EML6: variants seen among roughly 807,000 people sequenced by gnomAD.
EML6 encodes the protein EMAP like 6, also known as echinoderm microtubule-associated protein-like 6.
In EML6, 154 loss-of-function variants were observed where a neutral mutation model predicts 240.1. The observed-to-expected ratio is 0.64, with a 90% confidence interval of 0.56 to 0.73. EML6 has a LOEUF of 0.73. EML6 is among the 30% of genes least tolerant of loss of function. The pLI is 0.00. For missense variants in EML6, 2,964 were observed against 2,474.6 expected (o/e 1.20, Z -4.20); for synonymous variants, 1,148 against 899.0 (o/e 1.28, Z -4.95).
At chr2:54,910,395 C>T (rs1218129804) in intron 24 of EML6, among the ~76,000 whole-genome samples, 1 of 152,170 alleles carries the variant, frequency 6.6e-6, no homozygotes, top group Non-Finnish European at 1.5e-5. Flanking sequence ...CAACATTTTC[C>T]TTGGGGAAAG....
chr2:54,827,018 C>T (rs537270021), intron 5 of EML6, among the ~76,000 whole-genome samples: 1 of 152,064 alleles, frequency 6.6e-6, no homozygotes, highest in African/African-American at 2.4e-5. Flanking sequence ...ACTACAAATA[C>T]AAAAATTAGC....
chr2:54,841,012 A>G lies in EML6; in HGVS notation c.848-3035A>G, dbSNP rs62136940. ...CTCCCAAGCCCCTGCAGGAGCTGAG[A>G]AAAACACCAGGGAGAAAACGGGAAT... On this transcript the variant is annotated intron_variant, in intron 7 of 41. Coordinates refer to ENST00000356458, the MANE Select transcript of EML6 (RefSeq NM_001039753.4). Among the ~76,000 whole-genome samples the G allele has an allele frequency of 5.3e-5, 8 of 152,350 alleles. No homozygotes were observed. The East Asian group carries it at 1.5e-3, about 29-fold the overall frequency.
chr2:54,865,593 G>A (rs1670929750), intron 13 of EML6, among the ~76,000 whole-genome samples: 1 of 152,212 alleles, frequency 6.6e-6, no homozygotes, highest in South Asian at 2.1e-4. Flanking sequence ...CTGGTTTGAT[G>A]CTCAAAGGAA....
Position 54,960,253 on chromosome 2 carries a change from C to T in EML6, c.4887C>T (p.Asp1629=). 1.9e-6 allele frequency: 3 copies of T among 1,551,514 alleles called. No homozygotes were observed. The highest frequency in any genetic ancestry group is 2.6e-6 in the Non-Finnish European group (3 of 1,146,906). The stretch of plus-strand genomic sequence containing the variant: ...AAGGAGGTGCTGTAAAATTGTGGGA[C>T]CAGGAGATGAAGCGCTGCCGGGCCT... ...TKEGGAVKLW[D]QEMKRCRAFQ... Residue 1629 remains aspartate, a synonymous_variant, in exon 35 of 42, where the codon GAC becomes GAT. Coordinates refer to ENST00000356458, the MANE Select transcript of EML6 (RefSeq NM_001039753.4).
chr2:54,734,185 A>G (rs901254379), intron 2 of EML6, among the ~76,000 whole-genome samples: 2 of 152,136 alleles, frequency 1.3e-5, no homozygotes, highest in Non-Finnish European at 2.9e-5. Flanking sequence ...CTAAAATACA[A>G]AAATTAGCCG....
intron 2 of EML6, among the ~76,000 whole-genome samples, chr2:54,803,444 A>G (rs959950827): frequency 9.9e-5 from 15 of 152,086 alleles, no homozygotes; most frequent in Non-Finnish European, 1.5e-4. Flanking sequence ...TTTGCCTCAT[A>G]CCTTCGTCAA....
At chr2:54,950,127 C>G (rs1675899641) in intron 29 of EML6, among the ~76,000 whole-genome samples, 1 of 148,306 alleles carries the variant, frequency 6.7e-6, no homozygotes. Flanking sequence ...GACTATAAAC[C>G]TCAACAGTAT....
At chr2:54,746,618 A>T (rs1041620370) in intron 2 of EML6, among the ~76,000 whole-genome samples, 5 of 152,148 alleles carry the variant, frequency 3.3e-5, no homozygotes, top group African/African-American at 1.2e-4. Flanking sequence ...AATTTTACAG[A>T]ATTCAGGACT....
At chr2:54,877,755 C>A (rs998545376) in intron 16 of EML6, among the ~76,000 whole-genome samples, 1 of 152,206 alleles carries the variant, frequency 6.6e-6, no homozygotes, top group Admixed American at 6.5e-5. Flanking sequence ...AAAGTGTTAA[C>A]GTCTTCATCT....
At chr2:54,783,295 T>C (rs1328541565) in intron 2 of EML6, among the ~76,000 whole-genome samples, 1 of 152,254 alleles carries the variant, frequency 6.6e-6, no homozygotes, top group Non-Finnish European at 1.5e-5. Context: ...GATATAACTA[T>C]GTAATGAAAC....
At chr2:54,944,026 T>A (rs1461924903) in intron 28 of EML6, among the ~76,000 whole-genome samples, 2 of 152,160 alleles carry the variant, frequency 1.3e-5, no homozygotes. Context: ...TCTCAGTGTC[T>A]CACCTCTGCT....
chr2:54,871,558 T>C lies in EML6; in HGVS notation c.2297T>C (p.Leu766Pro). 1 of 1,551,794 alleles carries C rather than the reference T, an allele frequency of 6.4e-7. No individual in the cohort carries two copies. Among genetic ancestry groups the C allele is most frequent in the Non-Finnish European group, 8.7e-7 (1 of 1,146,974 alleles). The change falls in exon 16 of 42, where the codon CTG (leucine) becomes CCG (proline). Residue 766 changes from leucine to proline, a missense_variant. By Grantham distance (98) the Leu-to-Pro change is moderately conservative (BLOSUM62 -3). Coordinates refer to ENST00000356458, the MANE Select transcript of EML6 (RefSeq NM_001039753.4). ...WDTQTLKCLS[L>P]LKGQHQRGVC... ...ACACAAACTCTAAAATGTTTGTCGC[T>C]GTTGAAAGGACAACATCAGAGAGGA... is the stretch of plus-strand genomic sequence containing the variant.
chr2:54,951,631 T>C (rs1207838715), intron 30 of EML6, among the ~76,000 whole-genome samples: 3 of 151,760 alleles, frequency 2.0e-5, no homozygotes, highest in Non-Finnish European at 4.4e-5. Flanking sequence ...ATTCAGAAAT[T>C]AACAGAAAAC....
rs1425946581 is a variant in EML6, at chr2:54,820,836, T to C, written c.525+374T>C. 2.0e-5 allele frequency among the ~76,000 whole-genome samples: 3 copies of C among 152,340 alleles called. No homozygotes were observed. The East Asian group carries it at 5.8e-4, about 29-fold the overall frequency. On this transcript the variant is annotated intron_variant, in intron 5 of 41. Transcript: ENST00000356458. ...TTTACATATTTGCATGTCAACACTTTGACATGTTATGTTCCCTTAAAAGAA... is the reference window on the plus strand; with the variant it reads ...TTTACATATTTGCATGTCAACACTTCGACATGTTATGTTCCCTTAAAAGAA...
intron 2 of EML6, among the ~76,000 whole-genome samples, chr2:54,761,882 T>G (rs1667997961): frequency 6.6e-6 from 1 of 152,066 alleles, no homozygotes; most frequent in South Asian, 2.1e-4. Flanking sequence ...CACTTGAAAG[T>G]AGGTTGAATG....
intron 12 of EML6, among the ~76,000 whole-genome samples, chr2:54,862,315 G>T (rs1292893309): frequency 7.3e-6 from 1 of 136,594 alleles, no homozygotes; most frequent in Admixed American, 7.6e-5. Flanking sequence ...TCCAGCCTGG[G>T]TGACATAACA....
chr2:54,913,411 C>G (rs989817244), intron 25 of EML6, among the ~76,000 whole-genome samples: 4 of 152,034 alleles, frequency 2.6e-5, no homozygotes, highest in Non-Finnish European at 4.4e-5. Flanking sequence ...CCATGCCCAG[C>G]TAATTCTTGT....
At position 54,950,707 on chromosome 2, in the gene EML6, C is replaced by T. The variant is rs897341230; in HGVS notation, c.4141C>T (p.His1381Tyr). ...AGGTTTCGACTGTCGAAATAACCTG[C>T]ATTACCTTAATGATGGCGCTGACAT... is the stretch of plus-strand genomic sequence containing the variant. The part of the protein sequence containing the change: ...YRGFDCRNNL[H>Y]YLNDGADIIF... The change falls in exon 30 of 42, where the codon CAT (histidine) becomes TAT (tyrosine). Residue 1381 changes from histidine (H) to tyrosine (Y), a missense_variant. Physicochemically the swap from His to Tyr is moderately conservative, Grantham distance 83 (BLOSUM62 2). Coordinates refer to ENST00000356458, the MANE Select transcript of EML6 (RefSeq NM_001039753.4). 2.6e-6 allele frequency: 4 copies of T among 1,551,542 alleles called. No homozygotes were observed. The Admixed American group carries it at 5.9e-5, about 23-fold the overall frequency.
chr2:54,765,601 C>T (rs189418542), intron 2 of EML6, among the ~76,000 whole-genome samples: 1 of 152,278 alleles, frequency 6.6e-6, no homozygotes, highest in African/African-American at 2.4e-5. Context: ...GGTGGGACTA[C>T]AGGCACCCGC....
Sources: gnomAD v4.1 joint callset for allele counts (sites outside exome capture counted in the v4.1 genomes callset) on GRCh38, gnomAD v4.1.1 for gene constraint, MANE v1.5 for transcripts, NCBI Gene and HGNC (gene_info 2026-07-23, HGNC 2026-07-21) for gene names.